CPLANE1: variants seen among roughly 807,000 people sequenced by gnomAD.
CPLANE1 encodes the protein ciliogenesis and planar polarity effector 1.
Under a neutral mutation model 362.5 loss-of-function variants are expected in CPLANE1, and 263 were observed. The ratio of observed to expected loss-of-function variants is 0.73; its 90% CI spans 0.66 to 0.80. The LOEUF (loss-of-function observed/expected upper bound fraction) is 0.80, where lower values mean the gene tolerates loss of function less well. Ranked by LOEUF, CPLANE1 falls within the 30% of genes least tolerant of loss-of-function variation. CPLANE1 has a pLI of 0.00. For synonymous variants in CPLANE1, 1,212 were observed against 1,302.6 expected, an observed-to-expected ratio of 0.93 and a Z score of 1.50; for missense variants, 3,461 against 3,793.4, an observed-to-expected ratio of 0.91 and a Z score of 2.30.
chr5:37,128,194 A>G (rs1764770615), intron 46 of CPLANE1, among the ~76,000 whole-genome samples: 1 of 152,212 alleles, frequency 6.6e-6, no homozygotes, highest in Non-Finnish European at 1.5e-5. Context: ...TTTGGTAGAG[A>G]TGGGGTTTCC....
At chr5:37,106,090 C>T, downstream of CPLANE1, 1 of 152,048 alleles carries the variant, frequency 6.6e-6, no homozygotes, top group East Asian at 1.9e-4. Flanking sequence ...CTCATACACC[C>T]TTGGTGGGAA....
chr5:37,240,047 G>A (rs1799989886), intron 6 of CPLANE1, among the ~76,000 whole-genome samples, 178 bp from the exon 7 acceptor site: 1 of 152,094 alleles, frequency 6.6e-6, no homozygotes, highest in South Asian at 2.1e-4. Context: ...CTGAGACTGA[G>A]TAATTTATAA....
chr5:37,233,206 C>T (rs148423944), intron 8 of CPLANE1, among the ~76,000 whole-genome samples: 2 of 152,304 alleles, frequency 1.3e-5, no homozygotes, highest in East Asian at 1.9e-4. Flanking sequence ...GCCTAGATAC[C>T]AGGGATCTAC....
Position 37,107,566 on chromosome 5 carries a change from C to T in CPLANE1, c.*36G>A. 1.9e-6 allele frequency: 3 copies of T among 1,563,348 alleles called. No individual in the cohort carries two copies. The highest frequency in any genetic ancestry group is 1.2e-5 in the South Asian group (1 of 83,620). On this transcript the variant is annotated 3_prime_UTR_variant, in exon 53 of 53. Transcript: ENST00000651892. Reference sequence around the variant, plus strand: ...CTTTCAGAACCACATTACTGAGGTGCTGGCCTGTGCATGGAAACCCAATGA... The same window carrying T: ...CTTTCAGAACCACATTACTGAGGTGTTGGCCTGTGCATGGAAACCCAATGA...
At chr5:37,102,039 A>C (rs1757319136), downstream of CPLANE1, among the ~76,000 whole-genome samples, 1 of 151,742 alleles carries the variant, frequency 6.6e-6, no homozygotes, top group South Asian at 2.1e-4. Context: ...AAAAAAAAAA[A>C]CAACTCCTGG....
chr5:37,220,710 AG>A (rs1795182437), intron 15 of CPLANE1, among the ~76,000 whole-genome samples: 1 of 152,032 alleles, frequency 6.6e-6, no homozygotes, highest in African/African-American at 2.4e-5. Flanking sequence ...TTAGTAGAGA[AG>A]GGGTTTCACC....
rs1292114681 is a variant in CPLANE1, at chr5:37,208,684, CCCCA to C, written c.2921-2263_2921-2260del. 5.9e-4 allele frequency among the ~76,000 whole-genome samples: 70 copies of C among 119,122 alleles called. 1 individual carries two copies. Among genetic ancestry groups the C allele is most frequent in the African/African-American group, 2.1e-3 (62 of 28,990 alleles). The allele number at this position is 119,122 out of a possible 152,430, so 78.1% of individuals were successfully genotyped here. On this transcript the variant is annotated intron_variant, in intron 16 of 52. Transcript: ENST00000651892. ...AGAGCAAGACTCTGTCTCCCCCCCC[CCCCA>C]AAAAAAAAAAAGAGTTCAGCTTAAC...
intron 19 of CPLANE1, among the ~76,000 whole-genome samples, chr5:37,200,565 C>T (rs1238934749): frequency 1.3e-5 from 2 of 152,086 alleles, no homozygotes; most frequent in South Asian, 2.1e-4. Context: ...AGGTAGAAGT[C>T]GCCAATATTG....
chr5:37,221,326 G>GA lies in CPLANE1; in HGVS notation c.2743dup (p.Ser915PhefsTer9), dbSNP rs1795316019. The GA allele has an allele frequency of 6.7e-7, 1 of 1,488,932 alleles. No individual in the cohort carries two copies. Among genetic ancestry groups the GA allele is most frequent in the Non-Finnish European group, 8.9e-7 (1 of 1,123,158 alleles). 92.2% of individuals were successfully genotyped at this position (1,488,932 alleles called of 1,614,324 possible). On this transcript the variant is annotated frameshift_variant, in exon 15 of 53. Coordinates refer to ENST00000651892, the MANE Select transcript of CPLANE1 (RefSeq NM_001384732.1). ...AAGAAAGAAAAAAAAAAGCATACCTGAAAAATCTTTATTTTCTTTTACAGG... is the reference window on the plus strand; with the variant it reads ...AAGAAAGAAAAAAAAAAGCATACCTGAAAAAATCTTTATTTTCTTTTACAGG...
intron 25 of CPLANE1, among the ~76,000 whole-genome samples, chr5:37,184,454 A>T (rs1294758406): frequency 6.6e-6 from 1 of 152,156 alleles, no homozygotes; most frequent in African/African-American, 2.4e-5. Context: ...TAATATGGCT[A>T]ACTCAGTAAC....
intron 15 of CPLANE1, among the ~76,000 whole-genome samples, chr5:37,215,417 A>G (rs1793770639): frequency 6.6e-6 from 1 of 152,144 alleles, no homozygotes; most frequent in African/African-American, 2.4e-5. Context: ...AGTATATAAT[A>G]TATACAACAT....
At chr5:37,155,973 T>C (rs1198732924) in intron 41 of CPLANE1, among the ~76,000 whole-genome samples, 1 of 152,202 alleles carries the variant, frequency 6.6e-6, no homozygotes, top group East Asian at 1.9e-4. Flanking sequence ...CTCATGCATC[T>C]TAGCAGCCCC....
intron 6 of CPLANE1, among the ~76,000 whole-genome samples, chr5:37,241,353 G>A (rs1357228224): frequency 6.6e-6 from 1 of 152,080 alleles, no homozygotes; most frequent in East Asian, 1.9e-4. Flanking sequence ...TACTCAGGAG[G>A]CTGAGACAGG....
chr5:37,247,551 A>G, intron 2 of CPLANE1, 67 bp downstream of exon 2: 1 of 1,362,790 alleles, frequency 7.3e-7, no homozygotes, highest in Non-Finnish European at 1.0e-6. Flanking sequence ...GAACACTCCT[A>G]TATTACAGGC....
chr5:37,161,613 A>G (rs977686191), intron 38 of CPLANE1, among the ~76,000 whole-genome samples: 4 of 152,220 alleles, frequency 2.6e-5, no homozygotes, highest in African/African-American at 4.8e-5. Flanking sequence ...ACTGGGACCC[A>G]GGAGGATTAA....
At chr5:37,078,637 CA>C in the CPLANE1 span, among the ~76,000 whole-genome samples, 1 of 151,818 alleles carries the variant, frequency 6.6e-6, no homozygotes, top group Non-Finnish European at 1.5e-5. Context: ...CTGTCTTCCA[CA>C]ATGGTTAAAC....
chr5:37,218,518 A>G (rs1794661981), intron 15 of CPLANE1, among the ~76,000 whole-genome samples: 1 of 152,176 alleles, frequency 6.6e-6, no homozygotes, highest in South Asian at 2.1e-4. Flanking sequence ...CACTGTAATA[A>G]ATCATAGCTA....
At chr5:37,132,618 T>TTAC (rs1238867242) in intron 46 of CPLANE1, among the ~76,000 whole-genome samples, 5 of 152,214 alleles carry the variant, frequency 3.3e-5, no homozygotes, top group African/African-American at 1.2e-4. Context: ...AGTGCTGGGA[T>TTAC]TACAGGCGTT....
In CPLANE1 at chr5:37,206,362, T is replaced by C; in HGVS notation, c.2984A>G (p.Asn995Ser). 1.3e-6 allele frequency: 2 copies of C among 1,551,516 alleles called. No individual in the cohort carries two copies. Among genetic ancestry groups the C allele is most frequent in the Non-Finnish European group, 1.7e-6 (2 of 1,146,838 alleles). Residue 995 changes from asparagine to serine, a missense_variant, in exon 17 of 53, where the codon AAT (asparagine) becomes AGT (serine). Physicochemically the swap from Asn to Ser is conservative, Grantham distance 46. Around this residue, in one of 2 missense-constraint regions of CPLANE1, gnomAD observed 3,380 missense variants for 3,666.1 expected, o/e 0.92. Coordinates refer to ENST00000651892, the MANE Select transcript of CPLANE1 (RefSeq NM_001384732.1). ...TTCAACTGTCCACACATTAGAGAGATTCTGATCTCTAACAACACTGGCCAC... is the reference window on the plus strand; with the variant it reads ...TTCAACTGTCCACACATTAGAGAGACTCTGATCTCTAACAACACTGGCCAC... ...SKVASVVRDQNLSNVWTVEYA... is the reference protein window; with the variant it reads ...SKVASVVRDQSLSNVWTVEYA...
Sources: allele counts gnomAD v4.1 joint callset (sites outside exome capture counted in the v4.1 genomes callset), GRCh38; gene constraint gnomAD v4.1.1; regional missense constraint gnomAD v4.1.1; transcripts MANE v1.5; gene names NCBI Gene and HGNC (gene_info 2026-07-23, HGNC 2026-07-21).